CTNND2: variants seen among roughly 807,000 people sequenced by gnomAD.
CTNND2 encodes the protein catenin delta 2.
In CTNND2, 22 loss-of-function variants were observed where a neutral mutation model predicts 144.4. The ratio of observed to expected loss-of-function variants is 0.15; its 90% CI spans 0.11 to 0.22. The LOEUF (loss-of-function observed/expected upper bound fraction) is 0.22. Among genes scored for constraint, CTNND2 ranks in the 10% least tolerant of loss-of-function variants. The pLI is 1.00. For missense variants in CTNND2, 1,353 were observed against 1,618.8 expected, an observed-to-expected ratio of 0.84 and a Z score of 2.82; for synonymous variants, 751 against 695.6, an observed-to-expected ratio of 1.08 and a Z score of -1.25.
rs571211996 is a variant in CTNND2, at chr5:10,972,494, T to C, written c.*959A>G. On this transcript the variant is annotated 3_prime_UTR_variant, in exon 22 of 22. Coordinates refer to ENST00000304623, the MANE Select transcript of CTNND2 (RefSeq NM_001332.4). The stretch of plus-strand genomic sequence containing the variant: ...GCAAGAATGTGTATTTTGTAAGATA[T>C]AGGTTCTTGGAAATAGACATTCTTA... The C allele has an allele frequency of 1.6e-4, 24 of 152,624 alleles. No homozygotes were observed. Among genetic ancestry groups the C allele is most frequent in the African/African-American group, 2.2e-4 (9 of 41,582 alleles). 9.5% of individuals were successfully genotyped at this position (152,624 alleles called of 1,614,324 possible).
chr5:11,476,971 T>G (rs1322530882), intron 3 of CTNND2, among the ~76,000 whole-genome samples: 1 of 152,198 alleles, frequency 6.6e-6, no homozygotes, highest in Admixed American at 6.5e-5. Context: ...AGATCCCACT[T>G]TAACATAAAA....
At chr5:11,402,387 T>A (rs1760717134) in intron 5 of CTNND2, among the ~76,000 whole-genome samples, 1 of 152,210 alleles carries the variant, frequency 6.6e-6, no homozygotes, top group East Asian at 1.9e-4. Context: ...TGAGAAAAAT[T>A]GTTGATTATT....
intron 9 of CTNND2, among the ~76,000 whole-genome samples, chr5:11,333,223 A>G (rs1753357018): frequency 6.6e-6 from 1 of 152,190 alleles, no homozygotes; most frequent in African/African-American, 2.4e-5. Flanking sequence ...ATGGACATTT[A>G]GATTGTTTCA....
intron 1 of CTNND2, among the ~76,000 whole-genome samples, chr5:11,774,561 T>TAAAAAAAAAAAA (rs1202575547): frequency 8.6e-5 from 10 of 116,822 alleles, no homozygotes; most frequent in Admixed American, 2.2e-4. Flanking sequence ...AAAAAAAAAT[T>TAAAAAAAAAAAA]AAAAAAAAAA....
rs1374028721 is a variant in CTNND2, at chr5:11,009,665, G to GC, written c.3084+8308_3084+8309insG. ...TTTTTGTAGGGTTTGATTCAAAAAT[G>GC]TTACGAGCGAAGCCTTGTGAAATGG... On this transcript the variant is annotated intron_variant, in intron 18 of 21. Transcript: ENST00000304623. Among the ~76,000 whole-genome samples the GC allele has an allele frequency of 3.6e-4, 55 of 152,320 alleles. No homozygotes were observed. In the South Asian group the frequency reaches 0.011, roughly 31 times the overall value.
intron 11 of CTNND2, among the ~76,000 whole-genome samples, chr5:11,161,948 G>A (rs1201769460): frequency 5.3e-5 from 8 of 152,066 alleles, no homozygotes; most frequent in African/African-American, 1.4e-4. Flanking sequence ...TCAGGAGCTC[G>A]AGACCAGCCT....
chr5:11,180,823 C>T (rs1211889335), intron 11 of CTNND2, among the ~76,000 whole-genome samples: 1 of 152,264 alleles, frequency 6.6e-6, no homozygotes, highest in African/African-American at 2.4e-5. Context: ...TGCCAACTGG[C>T]AACTCCTATA....
chr5:11,525,992 T>C (rs1009842578), intron 3 of CTNND2, among the ~76,000 whole-genome samples: 1 of 152,136 alleles, frequency 6.6e-6, no homozygotes, highest in African/African-American at 2.4e-5. Context: ...ACAACCTCCG[T>C]CTCCCAGGTT....
intron 12 of CTNND2, among the ~76,000 whole-genome samples, chr5:11,136,307 C>A (rs907172978): frequency 6.6e-6 from 1 of 152,012 alleles, no homozygotes; most frequent in Non-Finnish European, 1.5e-5. Flanking sequence ...TCTGAATTTT[C>A]TTCATCTTAG....
At chr5:11,466,160 C>A (rs535391409) in intron 3 of CTNND2, among the ~76,000 whole-genome samples, 1 of 152,172 alleles carries the variant, frequency 6.6e-6, no homozygotes, top group African/African-American at 2.4e-5. Context: ...TACCACCATG[C>A]CTGGCTAATT....
intron 5 of CTNND2, among the ~76,000 whole-genome samples, chr5:11,404,693 C>A (rs890058130): frequency 7.4e-6 from 1 of 135,352 alleles, no homozygotes; most frequent in African/African-American, 2.6e-5. Context: ...TCTTGGCTCA[C>A]TGCAACCTCT....
chr5:11,395,096 C>G (rs1759967182), intron 6 of CTNND2, among the ~76,000 whole-genome samples: 1 of 152,114 alleles, frequency 6.6e-6, no homozygotes, highest in Admixed American at 6.5e-5. Flanking sequence ...AAGTATCACA[C>G]CACTCAAATA....
chr5:11,429,828 T>C (rs1272930353), intron 3 of CTNND2, among the ~76,000 whole-genome samples: 1 of 152,184 alleles, frequency 6.6e-6, no homozygotes, highest in Non-Finnish European at 1.5e-5. Context: ...ATTATCAACC[T>C]AGGGGAAAAC....
At chr5:11,509,993 G>A (rs990618267) in intron 3 of CTNND2, among the ~76,000 whole-genome samples, 1 of 152,146 alleles carries the variant, frequency 6.6e-6, no homozygotes, top group Non-Finnish European at 1.5e-5. Context: ...GGACAATGGC[G>A]CAATCACAGC....
intron 16 of CTNND2, among the ~76,000 whole-genome samples, chr5:11,030,107 A>T (rs764734961): frequency 7.2e-5 from 11 of 152,120 alleles, no homozygotes; most frequent in Non-Finnish European, 1.2e-4. Flanking sequence ...TGATTAAAAA[A>T]TCAGCTGATA....
intron 3 of CTNND2, among the ~76,000 whole-genome samples, chr5:11,482,240 G>C (rs1768347027): frequency 6.6e-6 from 1 of 152,142 alleles, no homozygotes; most frequent in African/African-American, 2.4e-5. Flanking sequence ...CAGCTCCCCA[G>C]TCTGGAAGGT....
intron 2 of CTNND2, among the ~76,000 whole-genome samples, chr5:11,721,899 G>A (rs13166019): frequency 0.23 from 34,282 of 152,110 alleles, 4,812 homozygotes; most frequent in African/African-American, 0.4. Context: ...TATGGAGCTC[G>A]TCTATCAACG....
At chr5:11,892,079 T>C (rs1737009744) in intron 1 of CTNND2, among the ~76,000 whole-genome samples, 1 of 152,250 alleles carries the variant, frequency 6.6e-6, no homozygotes, top group Admixed American at 6.5e-5. Context: ...TAATATTCTC[T>C]ATAACATCAC....
At chr5:11,751,650 T>C (rs542158692) in intron 1 of CTNND2, among the ~76,000 whole-genome samples, 1 of 152,030 alleles carries the variant, frequency 6.6e-6, no homozygotes, top group African/African-American at 2.4e-5. Flanking sequence ...GCCATTTAGG[T>C]TGATTCCACG....
Sources: gnomAD v4.1 joint callset for allele counts (sites outside exome capture counted in the v4.1 genomes callset) on GRCh38, gnomAD v4.1.1 for gene constraint, MANE v1.5 for transcripts, NCBI Gene and HGNC (gene_info 2026-07-23, HGNC 2026-07-21) for gene names.